LRRC8D: variants seen among roughly 807,000 people sequenced by gnomAD.
The protein encoded by LRRC8D is volume-regulated anion channel subunit LRRC8D.
In LRRC8D, 20 loss-of-function variants were observed where a neutral mutation model predicts 55.8. The ratio of observed to expected loss-of-function variants is 0.36; its 90% CI spans 0.25 to 0.52. The LOEUF (loss-of-function observed/expected upper bound fraction) is 0.52. LRRC8D is among the 20% of genes least tolerant of loss of function. The pLI, the probability that LRRC8D is intolerant of heterozygous loss-of-function variation, is 0.93. For synonymous variants in LRRC8D, 352 were observed against 377.0 expected, an observed-to-expected ratio of 0.93 and a Z score of 0.77; for missense variants, 651 against 1,030.8, an observed-to-expected ratio of 0.63 and a Z score of 5.05.
chr1:89,839,956 T>A (rs535292102), intron 1 of LRRC8D, among the ~76,000 whole-genome samples: 1 of 152,326 alleles, frequency 6.6e-6, no homozygotes, highest in South Asian at 2.1e-4. Context: ...TTTTTAGAGA[T>A]GAGTTTATCA....
At chr1:89,823,079 A>G (rs1262195950) in intron 1 of LRRC8D, among the ~76,000 whole-genome samples, 2 of 152,190 alleles carry the variant, frequency 1.3e-5, no homozygotes, top group African/African-American at 4.8e-5. Flanking sequence ...GGCACAGTTT[A>G]TTTATATATT....
At chr1:89,847,043 C>T (rs1661299634) in intron 2 of LRRC8D, among the ~76,000 whole-genome samples, 1 of 152,082 alleles carries the variant, frequency 6.6e-6, no homozygotes, top group Non-Finnish European at 1.5e-5. Context: ...CATTACAGAA[C>T]AACGTGAGCA....
At chr1:89,904,980 T>G (rs545560462) in intron 2 of LRRC8D, among the ~76,000 whole-genome samples, 1 of 128,710 alleles carries the variant, frequency 7.8e-6, no homozygotes, top group East Asian at 2.0e-4. Context: ...AAACGAATTT[T>G]TACATGGAAG....
At chr1:89,861,884 G>A (rs893104502) in intron 2 of LRRC8D, among the ~76,000 whole-genome samples, 3 of 152,134 alleles carry the variant, frequency 2.0e-5, no homozygotes, top group African/African-American at 4.8e-5. Context: ...GTATTTGACA[G>A]AGAAGAAGAA....
In LRRC8D at chr1:89,883,531, G is replaced by T. The variant is rs549740122; in HGVS notation, c.-3+39749G>T. ...CTCATTGGGGGCCTGGTCAGCACTG[G>T]TATTGGAACCTCTCAGTAAAGTACC... On this transcript the variant is annotated intron_variant, in intron 2 of 2. Transcript: ENST00000337338. 8.5e-5 allele frequency among the ~76,000 whole-genome samples: 13 copies of T among 152,256 alleles called. 3 individuals are homozygous for T. Among genetic ancestry groups the T allele is most frequent in the African/African-American group, 3.1e-4 (13 of 41,536 alleles).
chr1:89,831,951 G>T (rs1268500572), intron 1 of LRRC8D, among the ~76,000 whole-genome samples: 7 of 152,170 alleles, frequency 4.6e-5, no homozygotes, highest in Non-Finnish European at 1.0e-4. Flanking sequence ...AAGACGGTTT[G>T]GAACACCAGC....
intron 2 of LRRC8D, among the ~76,000 whole-genome samples, chr1:89,860,786 ATATATATATATAT>A (rs1299080567): frequency 1.9e-4 from 4 of 21,110 alleles, no homozygotes; most frequent in Non-Finnish European, 4.1e-4. Flanking sequence ...AAAAAAAAAA[ATATATATATATAT>A]ATATATATAT....
rs1663859058 is a variant in LRRC8D at position 89,936,449 on chromosome 1, T to G, written c.*804T>G. ...ACAACAAAATAAAAATTTTAATGAC[T>G]TATTAACACAACCTCCAGTATCACC... On this transcript the variant is annotated 3_prime_UTR_variant, in exon 3 of 3. Coordinates refer to ENST00000337338, the MANE Select transcript of LRRC8D (RefSeq NM_001134479.2). 1 of 156,104 alleles carries G rather than the reference T, an allele frequency of 6.4e-6. No individual in the cohort carries two copies. Among genetic ancestry groups the G allele is most frequent in the Non-Finnish European group, 1.5e-5 (1 of 68,058 alleles). 9.7% of individuals were successfully genotyped at this position (156,104 alleles called of 1,614,324 possible).
At chr1:89,836,522 C>T (rs1661008745) in intron 1 of LRRC8D, among the ~76,000 whole-genome samples, 1 of 152,182 alleles carries the variant, frequency 6.6e-6, no homozygotes, top group Non-Finnish European at 1.5e-5. Context: ...CTTTGAGCCC[C>T]TTCTTTTCTT....
At chr1:89,884,846 T>C (rs1662372879) in intron 2 of LRRC8D, among the ~76,000 whole-genome samples, 1 of 152,232 alleles carries the variant, frequency 6.6e-6, no homozygotes, top group Admixed American at 6.5e-5. Context: ...GAACCTTTCC[T>C]TGCCTTTGTG....
At chr1:89,856,203 A>G (rs1451837016) in intron 2 of LRRC8D, among the ~76,000 whole-genome samples, 1 of 152,166 alleles carries the variant, frequency 6.6e-6, no homozygotes, top group East Asian at 1.9e-4. Flanking sequence ...TCTGTTTAGC[A>G]TCTAGAATTA....
intron 2 of LRRC8D, among the ~76,000 whole-genome samples, chr1:89,924,682 A>G (rs546246755): frequency 6.6e-6 from 1 of 152,320 alleles, no homozygotes; most frequent in South Asian, 2.1e-4. Context: ...TTGACAGTGG[A>G]CTGGATTTTT....
chr1:89,880,726 A>G (rs1662261382), intron 2 of LRRC8D, among the ~76,000 whole-genome samples: 4 of 152,136 alleles, frequency 2.6e-5, no homozygotes, highest in African/African-American at 7.2e-5. Flanking sequence ...TTTGAATTCA[A>G]CACCTTATTT....
intron 2 of LRRC8D, among the ~76,000 whole-genome samples, chr1:89,867,358 A>G (rs1355486505): frequency 6.6e-6 from 1 of 152,124 alleles, no homozygotes; most frequent in African/African-American, 2.4e-5. Flanking sequence ...ATTTCTTTTT[A>G]TTGCCAGATC....
intron 2 of LRRC8D, among the ~76,000 whole-genome samples, chr1:89,890,846 T>C (rs557790493): frequency 6.6e-6 from 1 of 152,262 alleles, no homozygotes; most frequent in Admixed American, 6.5e-5. Flanking sequence ...GTACTTAGTC[T>C]CCTCCAAGCC....
chr1:89,858,607 G>T (rs1661619735), intron 2 of LRRC8D, among the ~76,000 whole-genome samples: 1 of 152,086 alleles, frequency 6.6e-6, no homozygotes, highest in Admixed American at 6.6e-5. Flanking sequence ...GTGTTTTCAA[G>T]AAAGTTATAA....
chr1:89,887,272 G>A (rs1052561671), intron 2 of LRRC8D, among the ~76,000 whole-genome samples: 1 of 152,058 alleles, frequency 6.6e-6, no homozygotes, highest in East Asian at 1.9e-4. Flanking sequence ...TCATTATCAC[G>A]CTTGGACACT....
At chr1:89,828,895 C>T (rs1660825003) in intron 1 of LRRC8D, among the ~76,000 whole-genome samples, 1 of 152,134 alleles carries the variant, frequency 6.6e-6, no homozygotes, top group Non-Finnish European at 1.5e-5. Context: ...GCAACGAGTT[C>T]TGCAGAACAA....
At chr1:89,889,139 A>G (rs1410720197) in intron 2 of LRRC8D, among the ~76,000 whole-genome samples, 1 of 152,160 alleles carries the variant, frequency 6.6e-6, no homozygotes, top group Non-Finnish European at 1.5e-5. Flanking sequence ...TTTATGCTTG[A>G]TATGATGTGA....
Sources: allele counts gnomAD v4.1 joint callset (sites outside exome capture counted in the v4.1 genomes callset), GRCh38; gene constraint gnomAD v4.1.1; transcripts MANE v1.5; gene names NCBI Gene and HGNC (gene_info 2026-07-23, HGNC 2026-07-21).